The following YARS1 variants were observed in gnomAD, a reference collection of about 807,000 sequenced individuals.
The protein encoded by YARS1 is tyrosyl-tRNA synthetase 1, also known as tyrosine--tRNA ligase, cytoplasmic.
YARS1 carries 36 observed loss-of-function variants against 62.2 expected under a neutral mutation model. The ratio of observed to expected loss-of-function variants is 0.58; its 90% CI spans 0.44 to 0.76. The LOEUF is 0.76. Among genes scored for constraint, YARS1 ranks in the 30% least tolerant of loss-of-function variants. The pLI is 0.00. For missense variants in YARS1, 524 were observed against 639.8 expected (o/e 0.82, Z 1.95); for synonymous variants, 234 against 244.9 (o/e 0.96, Z 0.42).
At chr1:32,787,886 G>A (rs1176417513) in intron 6 of YARS1, among the ~76,000 whole-genome samples, 1 of 152,182 alleles carries the variant, frequency 6.6e-6, no homozygotes, top group Non-Finnish European at 1.5e-5. Context: ...GGAGGCTGGA[G>A]AGTCGCTTGA....
At chr1:32,782,779 G>A in intron 8 of YARS1, 1 of 548,336 alleles carries the variant, frequency 1.8e-6, no homozygotes, top group East Asian at 3.3e-5. Context: ...GAATGTATTT[G>A]TTAGTCTAAT....
chr1:32,792,901 T>A lies in YARS1; in HGVS notation c.592-1647A>T, dbSNP rs1049514024. Among the ~76,000 whole-genome samples the A allele has an allele frequency of 5.4e-5, 8 of 147,402 alleles. No homozygotes were observed. In the East Asian group the frequency reaches 7.9e-4, roughly 15 times the overall value. ...TCTCAAAAAAAAATAAAAATAAAAA[T>A]AAATAAATAAATAAATAAAAGAAAA... On this transcript the variant is annotated intron_variant, in intron 5 of 12. Transcript: ENST00000373477.
chr1:32,785,399 TGCA>T (rs1010352636), intron 8 of YARS1, among the ~76,000 whole-genome samples: 4 of 149,574 alleles, frequency 2.7e-5, no homozygotes, highest in Non-Finnish European at 4.5e-5. Flanking sequence ...AGGCGGAGGT[TGCA>T]GTGAGCCGAG....
intron 6 of YARS1, chr1:32,790,922 C>T (rs1230243194): frequency 5.8e-6 from 3 of 514,176 alleles, no homozygotes; most frequent in African/African-American, 5.8e-5. Flanking sequence ...TGAACAAAGA[C>T]ATTACTTTTG....
Position 32,817,261 on chromosome 1 carries a change from C to T in YARS1, c.-17G>A. On this transcript the variant is annotated 5_prime_UTR_variant, in exon 1 of 13. Transcript: ENST00000373477. ...GTCCCCCATGGCTCCGCTACCCCTGCTTCCCCCGCTCAGCCCGGCACCAGA... is the reference window on the plus strand; with the variant it reads ...GTCCCCCATGGCTCCGCTACCCCTGTTTCCCCCGCTCAGCCCGGCACCAGA... The T allele has an allele frequency of 6.2e-7, 1 of 1,613,866 alleles. No homozygotes were observed. Among genetic ancestry groups the T allele is most frequent in the Non-Finnish European group, 8.5e-7 (1 of 1,179,970 alleles).
At chr1:32,808,852 T>C (rs1174814417) in intron 3 of YARS1, among the ~76,000 whole-genome samples, 1 of 152,194 alleles carries the variant, frequency 6.6e-6, no homozygotes, top group Admixed American at 6.5e-5. Flanking sequence ...CTGATACACA[T>C]ATAACTCATT....
intron 5 of YARS1, among the ~76,000 whole-genome samples, chr1:32,791,893 A>G (rs191801911): frequency 1.3e-5 from 2 of 152,294 alleles, no homozygotes; most frequent in Admixed American, 1.3e-4. Flanking sequence ...AGGTGACCAC[A>G]CTTGCCTTGG....
intron 5 of YARS1, among the ~76,000 whole-genome samples, chr1:32,796,573 G>A (rs1442813471): frequency 6.6e-6 from 1 of 151,774 alleles, no homozygotes; most frequent in African/African-American, 2.4e-5. Context: ...ATGTGGCCCA[G>A]GCTGGTCTCA....
chr1:32,815,730 A>G (rs544662814), intron 1 of YARS1, among the ~76,000 whole-genome samples: 123 of 152,346 alleles, frequency 8.1e-4, no homozygotes, highest in African/African-American at 2.9e-3. Flanking sequence ...ATACCTGGAG[A>G]CAGAGAGTAG....
intron 1 of YARS1, 127 bp from the exon 2 acceptor site, chr1:32,811,184 G>T: frequency 7.1e-7 from 1 of 1,407,638 alleles, no homozygotes; most frequent in Non-Finnish European, 1.0e-6. Context: ...AGGAGGTCCA[G>T]CCATGTTCTC....
chr1:32,782,718 C>T (rs1653100755), intron 8 of YARS1, 179 bp from the exon 9 acceptor site: 1 of 765,868 alleles, frequency 1.3e-6, no homozygotes, highest in Non-Finnish European at 2.1e-6. Context: ...TGTCCAAAAT[C>T]CAAGTCTTTT....
At chr1:32,781,458 C>T (rs564758401) in intron 9 of YARS1, 1 of 371,414 alleles carries the variant, frequency 2.7e-6, no homozygotes, top group Admixed American at 4.0e-5. Flanking sequence ...GTAGCTCACA[C>T]CTGTAATTCT....
Position 32,797,051 on chromosome 1 carries a change from G to T in YARS1, c.591+712C>A, listed in dbSNP as rs562734783. ...ATATATATATATATATATATATATA[G>T]TAAGCATTTCTGTATTCATTAACTA... On this transcript the variant is annotated intron_variant, in intron 5 of 12. Transcript: ENST00000373477. Among the ~76,000 whole-genome samples the T allele has an allele frequency of 1.7e-3, 112 of 65,518 alleles. 1 individual carries two copies. The highest frequency in any genetic ancestry group is 7.3e-3 in the African/African-American group (106 of 14,458). 43.0% of individuals were successfully genotyped at this position (65,518 alleles called of 152,430 possible). A position where few individuals can be genotyped will look rare whatever the true frequency, so the allele number is the denominator to read the frequency against.
chr1:32,806,601 G>A lies in YARS1; in HGVS notation c.391C>T (p.Leu131=), dbSNP rs759430430. 1.9e-5 allele frequency: 30 copies of A among 1,614,008 alleles called. No individual in the cohort carries two copies. Among genetic ancestry groups the A allele is most frequent in the Non-Finnish European group, 2.5e-5 (29 of 1,180,032 alleles). ...TDYQLSKEYT[L]DVYRLSSVVT... ...ACGGAGGAGAGTCTGTACACATCTA[G>A]TGTGTACTCTCTGAAGAGGAAAGGA... is the stretch of plus-strand genomic sequence containing the variant. The change falls in exon 4 of 13, where the codon CTA becomes TTA. Residue 131 remains leucine (L), a synonymous_variant. Transcript: ENST00000373477.
At position 32,776,962 on chromosome 1, in the gene YARS1, G is replaced by C. The variant is rs925240683; in HGVS notation, c.1477-871C>G. On this transcript the variant is annotated intron_variant, in intron 12 of 12. Transcript: ENST00000373477. This position sits in a 1 kb window ranked among gnomAD's most constrained non-coding sequence, Gnocchi z 4.0. The stretch of plus-strand genomic sequence containing the variant: ...AGCCTGGGTGACAGAGTGAGACTCC[G>C]TCTCCAAAAAAAAAGAGCTTAGTTA... 1.1e-4 allele frequency among the ~76,000 whole-genome samples: 17 copies of C among 150,942 alleles called. No individual in the cohort carries two copies. The highest frequency in any genetic ancestry group is 9.9e-4 in the Admixed American group (15 of 15,204).
intron 6 of YARS1, among the ~76,000 whole-genome samples, chr1:32,789,720 C>G (rs542835845): frequency 1.3e-5 from 2 of 151,826 alleles, no homozygotes; most frequent in Non-Finnish European, 2.9e-5. Context: ...TCCCGAGTAG[C>G]TGGGATTACA....
Position 32,791,827 on chromosome 1 carries a change from A to C in YARS1, c.592-573T>G, listed in dbSNP as rs1653422070. On this transcript the variant is annotated intron_variant, in intron 5 of 12. Transcript: ENST00000373477. Reference sequence around the variant, plus strand: ...CAAAAAACAAAAACAAAAACAAAACAAACAAAAAACAAAACAAAACCCAAC... The same window carrying C: ...CAAAAAACAAAAACAAAAACAAAACCAACAAAAAACAAAACAAAACCCAAC... Among the ~76,000 whole-genome samples the C allele has an allele frequency of 2.6e-5, 4 of 151,944 alleles. No homozygotes were observed. In the South Asian group the frequency reaches 8.3e-4, roughly 31 times the overall value.
intron 5 of YARS1, among the ~76,000 whole-genome samples, chr1:32,792,867 G>A (rs558458297): frequency 3.3e-5 from 5 of 149,376 alleles, no homozygotes; most frequent in Non-Finnish European, 5.9e-5. Context: ...GTGACAAAGC[G>A]AGACTCCATC....
intron 4 of YARS1, 120 bp downstream of exon 4, chr1:32,806,362 C>G: frequency 6.5e-7 from 1 of 1,539,718 alleles, no homozygotes; most frequent in Non-Finnish European, 8.9e-7. Context: ...TTGCCACACA[C>G]CTTCAATTTG....
Sources: gnomAD v4.1 joint callset for allele counts (sites outside exome capture counted in the v4.1 genomes callset) on GRCh38, gnomAD v4.1.1 for gene constraint, Gnocchi (gnomAD v3.1) non-coding constraint, MANE v1.5 for transcripts, NCBI Gene and HGNC (gene_info 2026-07-23, HGNC 2026-07-21) for gene names.